Variants in SYCP1 observed in about 807,000 individuals in gnomAD.
The protein encoded by SYCP1 is synaptonemal complex protein 1, also known as cancer/testis antigen 8.
A neutral mutation model predicts 153.1 loss-of-function variants in SYCP1; 64 were observed. That is an observed-to-expected ratio of 0.42 (90% CI 0.34 to 0.51). The LOEUF (loss-of-function observed/expected upper bound fraction) is 0.51. SYCP1 is among the 20% of genes least tolerant of loss of function. SYCP1 has a pLI of 0.06. For synonymous variants in SYCP1, 384 were observed against 341.8 expected, an observed-to-expected ratio of 1.12 and a Z score of -1.36; for missense variants, 997 against 1,049.0, an observed-to-expected ratio of 0.95 and a Z score of 0.68.
intron 20 of SYCP1, among the ~76,000 whole-genome samples, chr1:114,917,451 A>T (rs1668578730): frequency 6.6e-6 from 1 of 152,172 alleles, no homozygotes; most frequent in African/African-American, 2.4e-5. Flanking sequence ...TTCAATTAAC[A>T]GAGTGCAAAT....
At chr1:114,884,486 G>A (rs1666166739) in intron 12 of SYCP1, among the ~76,000 whole-genome samples, 1 of 152,110 alleles carries the variant, frequency 6.6e-6, no homozygotes, top group South Asian at 2.1e-4. Context: ...ATTTGGCTTA[G>A]GTGTCCCCTC....
intron 29 of SYCP1, 142 bp downstream of exon 29, chr1:114,981,654 A>G (rs1673163710): frequency 2.6e-6 from 2 of 755,612 alleles, no homozygotes; most frequent in Non-Finnish European, 4.0e-6. Context: ...ATCAGCATGA[A>G]ATGTAAAGAC....
intron 23 of SYCP1, among the ~76,000 whole-genome samples, chr1:114,933,401 C>T (rs1270345532): frequency 1.3e-5 from 2 of 152,174 alleles, no homozygotes; most frequent in African/African-American, 2.4e-5. Context: ...CTGTACGTCA[C>T]CTTCCTCAAA....
chr1:114,977,762 T>C, intron 28 of SYCP1, 146 bp downstream of exon 28: 1 of 543,250 alleles, frequency 1.8e-6, no homozygotes, highest in South Asian at 3.3e-5. Flanking sequence ...TGCTATTTAT[T>C]AATTCAAAAG....
chr1:114,922,399 T>G (rs987768637), intron 20 of SYCP1, among the ~76,000 whole-genome samples: 4 of 152,074 alleles, frequency 2.6e-5, no homozygotes, highest in African/African-American at 2.4e-5. Context: ...GTTCCATAGG[T>G]CATACAGAAA....
chr1:114,988,463 A>AT (rs1413827167), intron 30 of SYCP1, among the ~76,000 whole-genome samples: 1 of 151,952 alleles, frequency 6.6e-6, no homozygotes, highest in East Asian at 1.9e-4. Context: ...TTATCAGCTG[A>AT]TTTTTCATCA....
intron 8 of SYCP1, among the ~76,000 whole-genome samples, chr1:114,870,188 A>AT (rs1282839507): frequency 2.0e-5 from 3 of 151,666 alleles, no homozygotes; most frequent in African/African-American, 7.3e-5. Flanking sequence ...TAATTTTTCT[A>AT]TTTTTTGTAG....
intron 23 of SYCP1, among the ~76,000 whole-genome samples, chr1:114,927,358 A>G (rs1405643760): frequency 1.3e-5 from 2 of 152,144 alleles, no homozygotes; most frequent in Non-Finnish European, 2.9e-5. Context: ...AACAGAAGAC[A>G]ACAAAAATGT....
Position 114,876,817 on chromosome 1 carries a change from T to A in SYCP1, c.801+7T>A, listed in dbSNP as rs760581584. On this transcript the variant is annotated splice_region_variant and intron_variant, in intron 11 of 31. Coordinates refer to ENST00000369522, the MANE Select transcript of SYCP1 (RefSeq NM_003176.4). Reference sequence around the variant, plus strand: ...AAATGACAAGGAAAAGCAGGTTTTTTAAAAAACCAACTCTTTGTATTCTTT... The same window carrying A: ...AAATGACAAGGAAAAGCAGGTTTTTAAAAAAACCAACTCTTTGTATTCTTT... The A allele has an allele frequency of 1.0e-5, 14 of 1,379,456 alleles. No individual in the cohort carries two copies. Among genetic ancestry groups the A allele is most frequent in the Non-Finnish European group, 1.2e-5 (13 of 1,057,910 alleles). 85.5% of individuals were successfully genotyped at this position (1,379,456 alleles called of 1,614,324 possible). A position where few individuals can be genotyped will look rare whatever the true frequency, so the allele number is the denominator to read the frequency against.
At chr1:114,932,046 A>T (rs555603147) in intron 23 of SYCP1, among the ~76,000 whole-genome samples, 1 of 152,324 alleles carries the variant, frequency 6.6e-6, no homozygotes, top group East Asian at 1.9e-4. Context: ...CTTACATCAG[A>T]TCATATACAA....
chr1:114,928,405 A>G (rs1157680225), intron 23 of SYCP1, among the ~76,000 whole-genome samples: 1 of 152,188 alleles, frequency 6.6e-6, no homozygotes, highest in Non-Finnish European at 1.5e-5. Flanking sequence ...TGCTAACAAA[A>G]ATAAACCATC....
chr1:114,889,866 A>G (rs979639722), intron 15 of SYCP1, among the ~76,000 whole-genome samples: 1 of 152,006 alleles, frequency 6.6e-6, no homozygotes, highest in African/African-American at 2.4e-5. Context: ...ATCCATCTTG[A>G]GTTAATTTTT....
intron 29 of SYCP1, among the ~76,000 whole-genome samples, chr1:114,981,714 C>G (rs899200550): frequency 6.6e-6 from 1 of 151,956 alleles, no homozygotes; most frequent in African/African-American, 2.4e-5. Flanking sequence ...GGCCTTAACT[C>G]ATCCTCCTGT....
rs114680556 is a variant in SYCP1 at position 114,978,339 on chromosome 1, A to G, written c.2382+723A>G. On this transcript the variant is annotated intron_variant, in intron 28 of 31. Coordinates refer to ENST00000369522, the MANE Select transcript of SYCP1 (RefSeq NM_003176.4). Reference sequence around the variant, plus strand: ...AATTCTAATAGTTCTCAAGGGGAGTAATAAGGAAGAGGCTGAGCTGTATGT... The same window carrying G: ...AATTCTAATAGTTCTCAAGGGGAGTGATAAGGAAGAGGCTGAGCTGTATGT... Among the ~76,000 whole-genome samples the G allele has an allele frequency of 9.1e-3, 1,383 of 151,682 alleles. 13 individuals are homozygous for G. The highest frequency in any genetic ancestry group is 0.031 in the African/African-American group (1,295 of 41,488).
At chr1:114,894,274 G>A (rs1666916822) in intron 15 of SYCP1, among the ~76,000 whole-genome samples, 1 of 151,968 alleles carries the variant, frequency 6.6e-6, no homozygotes, top group African/African-American at 2.4e-5. Flanking sequence ...AAAGACTGTG[G>A]ACAATTATTA....
chr1:114,984,719 G>A lies in SYCP1; in HGVS notation c.2560-6G>A. On this transcript the variant is annotated splice_region_variant and splice_polypyrimidine_tract_variant and intron_variant, in intron 29 of 31. Transcript: ENST00000369522. The stretch of plus-strand genomic sequence containing the variant: ...TGATAATGTATGGTTTTTTATTTTT[G>A]GATAGGCATATACAGTGAAGACACC... The A allele has an allele frequency of 7.3e-7, 1 of 1,363,248 alleles. No individual in the cohort carries two copies. The highest frequency in any genetic ancestry group is 9.5e-7 in the Non-Finnish European group (1 of 1,051,362). The allele number at this position is 1,363,248 out of a possible 1,614,324, so 84.4% of individuals were successfully genotyped here.
At chr1:114,977,431 T>C (rs1162712191) in intron 27 of SYCP1, 126 bp from the exon 28 acceptor site, 1 of 577,828 alleles carries the variant, frequency 1.7e-6, no homozygotes, top group Admixed American at 4.2e-5. Context: ...TTCTTTTTAT[T>C]ACTTTATAAG....
At chr1:114,877,902 G>A (rs1223503165) in intron 11 of SYCP1, among the ~76,000 whole-genome samples, 192 bp from the exon 12 acceptor site, 1 of 152,128 alleles carries the variant, frequency 6.6e-6, no homozygotes, top group African/African-American at 2.4e-5. Context: ...ATATGACACT[G>A]TCTCTTACAA....
chr1:114,858,439 G>A (rs1003362407), intron 5 of SYCP1, 108 bp from the exon 6 acceptor site: 12 of 840,788 alleles, frequency 1.4e-5, no homozygotes, highest in Middle Eastern at 3.8e-4. Context: ...CTTAAATTGA[G>A]GAGATATTTG....
Sources: gnomAD v4.1 joint callset for allele counts (sites outside exome capture counted in the v4.1 genomes callset) on GRCh38, gnomAD v4.1.1 for gene constraint, MANE v1.5 for transcripts, NCBI Gene and HGNC (gene_info 2026-07-23, HGNC 2026-07-21) for gene names.